IFNG-AS1: variants seen among roughly 807,000 people sequenced by gnomAD.
IFNG-AS1 encodes IFNG antisense RNA 1 (non-protein coding).
intron 2 of IFNG-AS1, among the ~76,000 whole-genome samples, chr12:68,002,467 C>T (rs1293279752): frequency 2.0e-5 from 3 of 152,224 alleles, no homozygotes; most frequent in Non-Finnish European, 4.4e-5. Flanking sequence ...TATGTTCTTC[C>T]CCACGTAAGC....
At chr12:68,000,063 T>A (rs1879732682) in intron 2 of IFNG-AS1, among the ~76,000 whole-genome samples, 1 of 152,210 alleles carries the variant, frequency 6.6e-6, no homozygotes, top group Non-Finnish European at 1.5e-5. Context: ...ATTAATGTGA[T>A]AATTGGCAAA....
chr12:67,995,733 A>AG (rs1879626802), intron 1 of IFNG-AS1, among the ~76,000 whole-genome samples: 2 of 151,830 alleles, frequency 1.3e-5, no homozygotes, highest in Non-Finnish European at 2.9e-5. Flanking sequence ...AAAAAAAAAA[A>AG]AAAAGAAAAG....
chr12:68,009,827 G>C (rs926451793), intron 3 of IFNG-AS1, among the ~76,000 whole-genome samples: 2 of 152,076 alleles, frequency 1.3e-5, no homozygotes, highest in Non-Finnish European at 2.9e-5. Flanking sequence ...GATACACCAG[G>C]GAAGCAGTAC....
At chr12:68,020,065 T>A (rs1452243586) in intron 4 of IFNG-AS1, 2 of 152,016 alleles carry the variant, frequency 1.3e-5, no homozygotes, top group African/African-American at 4.8e-5. Flanking sequence ...GCCTAAGAAC[T>A]CACAAAAGAT....
intron 2 of IFNG-AS1, among the ~76,000 whole-genome samples, chr12:68,005,009 TCTG>T (rs2120447423): frequency 6.6e-6 from 1 of 152,334 alleles, no homozygotes; most frequent in African/African-American, 2.4e-5. Flanking sequence ...TCATATCCTT[TCTG>T]AGGTGACATT....
At chr12:68,008,671 A>G (rs1592826303) in intron 3 of IFNG-AS1, among the ~76,000 whole-genome samples, 1 of 152,274 alleles carries the variant, frequency 6.6e-6, no homozygotes. Flanking sequence ...GACTATTTCC[A>G]TCAGTGGCTC....
At chr12:68,002,158 C>A (rs929777815) in intron 2 of IFNG-AS1, among the ~76,000 whole-genome samples, 13 of 152,130 alleles carry the variant, frequency 8.5e-5, no homozygotes, top group South Asian at 2.1e-4. Context: ...TCAATGAGAC[C>A]AAGGTCTTGA....
chr12:68,015,447 G>T (rs1880128902), intron 3 of IFNG-AS1, among the ~76,000 whole-genome samples: 1 of 152,116 alleles, frequency 6.6e-6, no homozygotes, highest in Non-Finnish European at 1.5e-5. Context: ...TCAGGAGCAA[G>T]CAATCCCACC....
At chr12:68,008,594 T>G (rs1398214767) in intron 3 of IFNG-AS1, among the ~76,000 whole-genome samples, 1 of 152,148 alleles carries the variant, frequency 6.6e-6, no homozygotes, top group East Asian at 1.9e-4. Context: ...ATTAATTTCT[T>G]GTTCGTAGGA....
intron 2 of IFNG-AS1, among the ~76,000 whole-genome samples, chr12:68,000,231 A>G (rs938441094): frequency 1.3e-5 from 2 of 152,300 alleles, no homozygotes; most frequent in Admixed American, 1.3e-4. Context: ...TTAGTCTGAA[A>G]TTATTTCAAA....
At chr12:68,019,292 G>A (rs200614843) in intron 3 of IFNG-AS1, among the ~76,000 whole-genome samples, 2 of 152,118 alleles carry the variant, frequency 1.3e-5, no homozygotes, top group African/African-American at 4.8e-5. Flanking sequence ...TACATGCCAG[G>A]CTCTGTTCTA....
intron 2 of IFNG-AS1, among the ~76,000 whole-genome samples, chr12:68,004,307 AC>A (rs887529001): frequency 2.0e-4 from 30 of 152,272 alleles, no homozygotes; most frequent in African/African-American, 6.3e-4. Flanking sequence ...TGATGCATTT[AC>A]TTTTGCATCT....
chr12:68,014,292 G>A (rs1419338197), intron 3 of IFNG-AS1, among the ~76,000 whole-genome samples: 1 of 152,040 alleles, frequency 6.6e-6, no homozygotes, highest in Non-Finnish European at 1.5e-5. Flanking sequence ...TTGTCCTCTG[G>A]GTAGATACCC....
intron 3 of IFNG-AS1, among the ~76,000 whole-genome samples, chr12:68,007,678 CAT>C (rs1329576372): frequency 1.3e-5 from 2 of 152,156 alleles, no homozygotes; most frequent in Admixed American, 6.5e-5. Flanking sequence ...GTAATTGCCA[CAT>C]GTTATTTTCA....
intron 3 of IFNG-AS1, among the ~76,000 whole-genome samples, chr12:68,012,696 A>C (rs566077314): frequency 1.9e-3 from 290 of 152,328 alleles, no homozygotes; most frequent in African/African-American, 6.7e-3. Context: ...TATATCACTA[A>C]TTATATCTAT....
At chr12:67,998,289 A>C (rs1299342374) in intron 2 of IFNG-AS1, among the ~76,000 whole-genome samples, 2 of 152,082 alleles carry the variant, frequency 1.3e-5, no homozygotes, top group African/African-American at 4.8e-5. Flanking sequence ...ACAGGCTCTA[A>C]GAGAAAATAA....
intron 1 of IFNG-AS1, among the ~76,000 whole-genome samples, chr12:67,995,421 A>AG (rs1360512164): frequency 1.2e-5 from 1 of 85,294 alleles, no homozygotes; most frequent in Non-Finnish European, 2.4e-5. Flanking sequence ...CTCCATTTCA[A>AG]AAAAAAAAAA....
At chr12:68,004,420 C>T (rs944289424) in intron 2 of IFNG-AS1, among the ~76,000 whole-genome samples, 5 of 152,200 alleles carry the variant, frequency 3.3e-5, no homozygotes, top group African/African-American at 1.2e-4. Context: ...AATGCTGGAT[C>T]TTCCCAGCTT....
At chr12:67,994,851 G>C (rs1420431727) in intron 1 of IFNG-AS1, among the ~76,000 whole-genome samples, 1 of 152,154 alleles carries the variant, frequency 6.6e-6, no homozygotes, top group Admixed American at 6.5e-5. Flanking sequence ...TCCAATCTCA[G>C]TTCATTTTAT....
Sources: allele counts gnomAD v4.1 joint callset (sites outside exome capture counted in the v4.1 genomes callset), GRCh38; gene constraint gnomAD v4.1.1; transcripts MANE v1.5; gene names NCBI Gene and HGNC (gene_info 2026-07-23, HGNC 2026-07-21).